Variants in EYS observed in about 807,000 individuals in gnomAD.
The protein encoded by EYS is EGF-like photoreceptor maintenance factor.
In EYS, 250 loss-of-function variants were observed where a neutral mutation model predicts 282.1. That is an observed-to-expected ratio of 0.89 (90% CI 0.80 to 0.98). The LOEUF (loss-of-function observed/expected upper bound fraction) is 0.98. Ranked by LOEUF, EYS falls within the 50% of genes least tolerant of loss-of-function variation. EYS has a pLI of 0.00. For missense variants in EYS, 4,016 were observed against 3,709.0 expected, an observed-to-expected ratio of 1.08 and a Z score of -2.15; for synonymous variants, 1,355 against 1,282.9, an observed-to-expected ratio of 1.06 and a Z score of -1.20.
chr6:65,376,613 C>T (rs776464983), intron 8 of EYS, among the ~76,000 whole-genome samples: 13 of 152,144 alleles, frequency 8.5e-5, no homozygotes, highest in Non-Finnish European at 1.6e-4. Context: ...CATTGGTGCA[C>T]TGCATTCAGA....
rs547473704 is a variant in EYS at position 65,349,781 on chromosome 6, G to T, written c.1459+3677C>A. Among the ~76,000 whole-genome samples, 10 of 151,354 alleles carry T rather than the reference G, an allele frequency of 6.6e-5. No individual in the cohort carries two copies. The South Asian group carries it at 2.1e-3, about 31-fold the overall frequency. ...AATCACTAATACAATTAGTATGAAG[G>T]TTGAAAGAAAAAACTATTAAGAATA... On this transcript the variant is annotated intron_variant, in intron 9 of 42. Transcript: ENST00000503581.
chr6:64,773,353 T>C (rs548705497), intron 22 of EYS, among the ~76,000 whole-genome samples: 1 of 151,844 alleles, frequency 6.6e-6, no homozygotes, highest in African/African-American at 2.4e-5. Flanking sequence ...GGTATATATG[T>C]ACATTTTCTC....
intron 13 of EYS, among the ~76,000 whole-genome samples, chr6:65,056,705 T>A (rs148021523): frequency 6.6e-6 from 1 of 152,138 alleles, no homozygotes; most frequent in African/African-American, 2.4e-5. Context: ...TGCCCAAGCA[T>A]GATAAAATAG....
chr6:64,761,840 C>A (rs1380234882), intron 22 of EYS, among the ~76,000 whole-genome samples: 11 of 152,134 alleles, frequency 7.2e-5, no homozygotes, highest in African/African-American at 2.7e-4. Flanking sequence ...TATAAAATAT[C>A]ACTTTCCCCA....
chr6:65,315,243 T>C (rs1443783031), intron 11 of EYS, among the ~76,000 whole-genome samples: 2 of 152,146 alleles, frequency 1.3e-5, no homozygotes, highest in Non-Finnish European at 2.9e-5. Flanking sequence ...TGTCTTTTTC[T>C]CTCAAATACC....
intron 28 of EYS, among the ~76,000 whole-genome samples, chr6:64,391,182 C>T (rs1773123307): frequency 6.6e-6 from 1 of 151,906 alleles, no homozygotes; most frequent in African/African-American, 2.4e-5. Context: ...GAGAATGGAA[C>T]CAAGTTGGAA....
chr6:63,762,065 C>T (rs115079041), intron 41 of EYS, among the ~76,000 whole-genome samples: 1,800 of 152,088 alleles, frequency 0.012, 30 homozygotes, highest in African/African-American at 0.042. Flanking sequence ...CCCTCTGAAG[C>T]TGATGGCCTT....
At chr6:64,700,996 C>T (rs774353991) in intron 22 of EYS, among the ~76,000 whole-genome samples, 2 of 152,018 alleles carry the variant, frequency 1.3e-5, no homozygotes, top group Non-Finnish European at 2.9e-5. Flanking sequence ...GTAACCCAAA[C>T]AACATGATCC....
At chr6:65,157,140 A>G (rs770768756) in intron 12 of EYS, among the ~76,000 whole-genome samples, 1 of 150,980 alleles carries the variant, frequency 6.6e-6, no homozygotes, top group Admixed American at 6.6e-5. Context: ...TTTTTCTTTA[A>G]TAGCACCTAT....
chr6:63,806,438 C>T (rs1039566510), intron 36 of EYS, 66 bp from the exon 37 acceptor site: 2 of 1,366,188 alleles, frequency 1.5e-6, no homozygotes, highest in Admixed American at 2.7e-5. Flanking sequence ...GTGAGGGTTA[C>T]GTTTTGCTGA....
intron 29 of EYS, among the ~76,000 whole-genome samples, chr6:64,323,318 C>G (rs1405141521): frequency 1.3e-5 from 2 of 152,070 alleles, no homozygotes; most frequent in African/African-American, 4.8e-5. Context: ...GTATAATTTT[C>G]TTAACATTTC....
At chr6:64,728,447 G>T (rs943301026) in intron 22 of EYS, among the ~76,000 whole-genome samples, 3 of 151,990 alleles carry the variant, frequency 2.0e-5, no homozygotes, top group Non-Finnish European at 4.4e-5. Context: ...CCATTCTCCT[G>T]CCTTAGCCTC....
chr6:64,376,683 CAG>C (rs1038644584), intron 29 of EYS, among the ~76,000 whole-genome samples: 6 of 152,176 alleles, frequency 3.9e-5, no homozygotes, highest in African/African-American at 1.4e-4. Flanking sequence ...GTCATTGTCT[CAG>C]GGAAATCTCA....
intron 11 of EYS, among the ~76,000 whole-genome samples, chr6:65,313,831 A>G (rs1347566697): frequency 1.3e-5 from 2 of 152,176 alleles, no homozygotes; most frequent in Non-Finnish European, 2.9e-5. Flanking sequence ...TTTTCAATAC[A>G]TAAGTCAGAG....
chr6:63,959,855 T>C (rs895381255), intron 35 of EYS, among the ~76,000 whole-genome samples: 2 of 151,814 alleles, frequency 1.3e-5, no homozygotes, highest in African/African-American at 4.8e-5. Flanking sequence ...CCATGGCCTG[T>C]AGGGGAGTGG....
intron 26 of EYS, among the ~76,000 whole-genome samples, chr6:64,525,296 G>A (rs370392878): frequency 6.5e-4 from 98 of 151,732 alleles, no homozygotes; most frequent in African/African-American, 2.3e-3. Flanking sequence ...ATGACAGACC[G>A]GATAAAGAAT....
chr6:65,069,083 C>A (rs1192769674), intron 12 of EYS, among the ~76,000 whole-genome samples: 1 of 151,962 alleles, frequency 6.6e-6, no homozygotes, highest in African/African-American at 2.4e-5. Flanking sequence ...TTGGTACTCT[C>A]TTTTTCTTTC....
intron 26 of EYS, among the ~76,000 whole-genome samples, chr6:64,536,006 A>G (rs1419385646): frequency 6.6e-6 from 1 of 152,022 alleles, no homozygotes; most frequent in Non-Finnish European, 1.5e-5. Context: ...TCATTGTTTT[A>G]TTAGACTCTG....
Position 65,343,255 on chromosome 6 carries a change from TAAAG to T in EYS, c.1599+779_1599+782del, listed in dbSNP as rs1770264829. Among the ~76,000 whole-genome samples the T allele has an allele frequency of 3.3e-5, 5 of 151,376 alleles. No homozygotes were observed. In the South Asian group the frequency reaches 1.0e-3, roughly 31 times the overall value. ...GACTCAATATAAATTGATACATTAA[TAAAG>T]AAAAGGGCTTATGAGTCTTTACTGA... On this transcript the variant is annotated intron_variant, in intron 10 of 42. Transcript: ENST00000503581.
Sources: gnomAD v4.1 joint callset for allele counts (sites outside exome capture counted in the v4.1 genomes callset) on GRCh38, gnomAD v4.1.1 for gene constraint, MANE v1.5 for transcripts, NCBI Gene and HGNC (gene_info 2026-07-23, HGNC 2026-07-21) for gene names.